SPATA22: variants seen among roughly 807,000 people sequenced by gnomAD.
SPATA22 encodes the protein spermatogenesis associated 22, also known as spermatogenesis-associated protein 22.
A neutral mutation model predicts 47.8 loss-of-function variants in SPATA22; 29 were observed. That is an observed-to-expected ratio of 0.61 (90% CI 0.45 to 0.83). The LOEUF is 0.83. SPATA22 is among the 40% of genes least tolerant of loss of function. The probability of loss-of-function intolerance (pLI) is 0.00; values close to 1 mark genes in which losing one functional copy is unlikely to be tolerated. For synonymous variants in SPATA22, 133 were observed against 140.9 expected, an observed-to-expected ratio of 0.94 and a Z score of 0.40; for missense variants, 410 against 421.7, an observed-to-expected ratio of 0.97 and a Z score of 0.24.
intron 1 of SPATA22, among the ~76,000 whole-genome samples, chr17:3,495,018 A>G (rs1202750920): frequency 2.0e-5 from 3 of 151,948 alleles, no homozygotes; most frequent in African/African-American, 7.3e-5. Flanking sequence ...TTCTGCCACC[A>G]TTCCCCAACT....
intron 5 of SPATA22, among the ~76,000 whole-genome samples, chr17:3,454,642 T>A (rs1197605040): frequency 6.6e-6 from 1 of 152,160 alleles, no homozygotes; most frequent in Non-Finnish European, 1.5e-5. Flanking sequence ...TCATTTTTTA[T>A]GGCTGCATAG....
At chr17:3,472,672 C>G (rs760064777), upstream of SPATA22, among the ~76,000 whole-genome samples, 6 of 152,188 alleles carry the variant, frequency 3.9e-5, no homozygotes, top group African/African-American at 9.7e-5. Context: ...TGTCTGAGTT[C>G]AAAGCCCATG....
chr17:3,446,083 G>A (rs994250209), intron 7 of SPATA22, among the ~76,000 whole-genome samples: 2 of 152,030 alleles, frequency 1.3e-5, no homozygotes, highest in Non-Finnish European at 2.9e-5. Flanking sequence ...AGCCAGCAAG[G>A]TAGCATCTTT....
At chr17:3,462,843 A>C in intron 3 of SPATA22, 76 bp from the exon 4 acceptor site, 2 of 1,189,890 alleles carry the variant, frequency 1.7e-6, no homozygotes, top group Non-Finnish European at 2.5e-6. Context: ...TACTTATTTA[A>C]TTTGGAGGGT....
In SPATA22 at chr17:3,488,656, C is replaced by T. The variant is rs376233351; in HGVS notation, c.-73-19258G>A. ...TGGGTGACAGAGTGAGACTCTGTCT[C>T]GAAAAAATAAATAAATAAATAAAAC... On this transcript the variant is annotated intron_variant, in intron 1 of 8. Transcript: ENST00000541913. This position sits in a 1 kb window ranked among gnomAD's most constrained non-coding sequence, Gnocchi z 6.1. 1.1e-3 allele frequency among the ~76,000 whole-genome samples: 168 copies of T among 151,622 alleles called. No individual in the cohort carries two copies. Among genetic ancestry groups the T allele is most frequent in the African/African-American group, 3.9e-3 (160 of 41,278 alleles).
chr17:3,455,837 T>G (rs1384169825), intron 5 of SPATA22, among the ~76,000 whole-genome samples: 10 of 151,516 alleles, frequency 6.6e-5, no homozygotes, highest in South Asian at 2.1e-4. Flanking sequence ...GTGAAGAAAG[T>G]CATTGGTAGC....
At chr17:3,509,568 A>G (rs965583842) in intron 1 of SPATA22, among the ~76,000 whole-genome samples, 4 of 152,084 alleles carry the variant, frequency 2.6e-5, no homozygotes, top group African/African-American at 9.7e-5. Flanking sequence ...TCTATCATTG[A>G]TGGGCATTTG....
upstream of SPATA22, among the ~76,000 whole-genome samples, chr17:3,472,835 G>A (rs1284291670): frequency 6.6e-6 from 1 of 152,174 alleles, no homozygotes; most frequent in African/African-American, 2.4e-5. Context: ...AAGAGTGTTA[G>A]AAAATAATAT....
intron 1 of SPATA22, chr17:3,501,316 G>C (rs904306972): frequency 6.6e-6 from 1 of 152,206 alleles, no homozygotes; most frequent in South Asian, 2.1e-4. Flanking sequence ...CGTGGGAGGA[G>C]ATCAAAATAT....
At position 3,446,501 on chromosome 17, in the gene SPATA22, T is replaced by C; in HGVS notation, c.773A>G (p.Gln258Arg). ...TACTTCAAAAAGAAGTACAGTTTTCTGTGCATGTTCACGCCAATACTTCAT... is the reference window on the plus strand; with the variant it reads ...TACTTCAAAAAGAAGTACAGTTTTCCGTGCATGTTCACGCCAATACTTCAT... Reference protein sequence around the residue: ...ESMKYWREHAQKTVLLFEVLA... With the variant: ...ESMKYWREHARKTVLLFEVLA... Residue 258 changes from glutamine to arginine, a missense_variant, in exon 7 of 9, where the codon CAG (glutamine) becomes CGG (arginine). Gln to Arg is a conservative substitution (Grantham distance 43). Transcript: ENST00000572969. 6.2e-7 allele frequency: 1 copy of C among 1,606,664 alleles called. No individual in the cohort carries two copies. Among genetic ancestry groups the C allele is most frequent in the African/African-American group, 1.3e-5 (1 of 74,582 alleles).
chr17:3,440,402 A>G, intron 8 of SPATA22, 64 bp from the exon 9 acceptor site: 3 of 1,376,452 alleles, frequency 2.2e-6, no homozygotes, highest in Non-Finnish European at 2.9e-6. Context: ...AATTTTTTAA[A>G]TATTTATGTG....
At chr17:3,506,839 G>A (rs574783075) in intron 1 of SPATA22, among the ~76,000 whole-genome samples, 1 of 152,300 alleles carries the variant, frequency 6.6e-6, no homozygotes, top group Non-Finnish European at 1.5e-5. Flanking sequence ...TACTTGTGAG[G>A]CTGAGGCAGG....
At chr17:3,489,082 C>T (rs1368795086) in intron 1 of SPATA22, among the ~76,000 whole-genome samples, 1 of 152,186 alleles carries the variant, frequency 6.6e-6, no homozygotes, top group Non-Finnish European at 1.5e-5. Flanking sequence ...TTTTGCCAAA[C>T]ATTATGTCTC....
chr17:3,509,515 A>T (rs187002030), intron 1 of SPATA22, among the ~76,000 whole-genome samples: 74 of 152,256 alleles, frequency 4.9e-4, no homozygotes, highest in African/African-American at 1.6e-3. Flanking sequence ...TTATGGCTGT[A>T]TAGTATTCCG....
intron 1 of SPATA22, among the ~76,000 whole-genome samples, chr17:3,486,599 TTC>T (rs2073726694): frequency 6.6e-6 from 1 of 152,208 alleles, no homozygotes; most frequent in African/African-American, 2.4e-5. Flanking sequence ...CTCTAGTCCA[TTC>T]TCTTTCTTGA....
chr17:3,454,130 C>A (rs2072927567), intron 5 of SPATA22, among the ~76,000 whole-genome samples: 2 of 149,762 alleles, frequency 1.3e-5, no homozygotes, highest in South Asian at 2.1e-4. Flanking sequence ...TACAATAACA[C>A]CAAAAAGAAT....
In SPATA22 at chr17:3,494,446, A is replaced by T. The variant is rs1057516995; in HGVS notation, c.-74+18966T>A. 3 of 1,604,164 alleles carry T rather than the reference A, an allele frequency of 1.9e-6. No individual in the cohort carries two copies. Among genetic ancestry groups the T allele is most frequent in the Non-Finnish European group, 2.6e-6 (3 of 1,170,866 alleles). ...AATGGAGAAATTGCTGCTATCATCC[A>T]TCCTAATCTGCAGGTAACATTTGTT... On this transcript the variant is annotated intron_variant, in intron 1 of 8. Transcript: ENST00000541913.
rs182727202 is a variant in SPATA22, at chr17:3,492,222, C to T, written c.-74+21190G>A. Among the ~76,000 whole-genome samples the T allele has an allele frequency of 3.4e-3, 520 of 152,276 alleles. 2 individuals carry two copies. Among genetic ancestry groups the T allele is most frequent in the Non-Finnish European group, 5.5e-3 (372 of 68,026 alleles). ...AAAAGCTGAGCAGCAATGAAACGGGCCACACTTTTTGAGGCTGTAAGAAGT... is the reference window on the plus strand; with the variant it reads ...AAAAGCTGAGCAGCAATGAAACGGGTCACACTTTTTGAGGCTGTAAGAAGT... On this transcript the variant is annotated intron_variant, in intron 1 of 8. Coordinates refer to the SPATA22 transcript ENST00000541913.
At position 3,502,470 on chromosome 17, in the gene SPATA22, AT is replaced by A. The variant is rs781367245; in HGVS notation, c.-74+10941del. The A allele has an allele frequency of 3.3e-5, 5 of 152,286 alleles. No individual in the cohort carries two copies. The East Asian group carries it at 7.7e-4, about 23-fold the overall frequency. 9.4% of individuals were successfully genotyped at this position (152,286 alleles called of 1,614,324 possible). A position where few individuals can be genotyped will look rare whatever the true frequency, so the allele number is the denominator to read the frequency against. On this transcript the variant is annotated intron_variant, in intron 1 of 8. Transcript: ENST00000541913. ...AATTGCTATTTTTTTCAATTTTTAT[AT>A]TTGGGTTAATGGTAATATACTAAGC...
Sources: gnomAD v4.1 joint callset for allele counts (sites outside exome capture counted in the v4.1 genomes callset) on GRCh38, gnomAD v4.1.1 for gene constraint, Gnocchi (gnomAD v3.1) non-coding constraint, MANE v1.5 for transcripts, NCBI Gene and HGNC (gene_info 2026-07-23, HGNC 2026-07-21) for gene names.